TTLL6: variants seen among roughly 807,000 people sequenced by gnomAD.
TTLL6 encodes tubulin tyrosine ligase like 6.
A neutral mutation model predicts 96.4 loss-of-function variants in TTLL6; 75 were observed. That is an observed-to-expected ratio of 0.78 (90% CI 0.65 to 0.94). The LOEUF (loss-of-function observed/expected upper bound fraction) is 0.94. TTLL6 is among the 40% of genes least tolerant of loss of function. The probability of loss-of-function intolerance (pLI) is 0.00; values close to 1 mark genes in which losing one functional copy is unlikely to be tolerated. For missense variants in TTLL6, 1,030 were observed against 1,093.0 expected, an observed-to-expected ratio of 0.94 and a Z score of 0.81; for synonymous variants, 411 against 419.4, an observed-to-expected ratio of 0.98 and a Z score of 0.24.
intron 13 of TTLL6, among the ~76,000 whole-genome samples, chr17:48,777,730 C>A (rs1415675999): frequency 2.0e-4 from 26 of 133,226 alleles, no homozygotes; most frequent in South Asian, 2.4e-4. Context: ...GACTCCGTCT[C>A]AAAAAAAAAA....
chr17:48,777,500 G>A (rs899688834), intron 13 of TTLL6, among the ~76,000 whole-genome samples: 1 of 152,184 alleles, frequency 6.6e-6, no homozygotes, highest in African/African-American at 2.4e-5. Context: ...GGAGGCCGAG[G>A]CGGGTGGATG....
rs997820594 is a variant in TTLL6, at chr17:48,797,042, G to A, written c.912+19C>T. 2 of 1,548,106 alleles carry A rather than the reference G, an allele frequency of 1.3e-6. No individual in the cohort carries two copies. Among genetic ancestry groups the A allele is most frequent in the African/African-American group, 2.7e-5 (2 of 72,786 alleles). On this transcript the variant is annotated intron_variant, in intron 7 of 15. Transcript: ENST00000393382. ...CACGCTATGGGGGTAGGGTGAGGTAGTGTGTCTCCTTAGCTCACCAGGTTG... is the reference window on the plus strand; with the variant it reads ...CACGCTATGGGGGTAGGGTGAGGTAATGTGTCTCCTTAGCTCACCAGGTTG...
chr17:48,788,219 C>T (rs888089038), intron 10 of TTLL6, among the ~76,000 whole-genome samples: 9 of 152,220 alleles, frequency 5.9e-5, no homozygotes, highest in Admixed American at 5.9e-4. Context: ...CTGGTTAGCA[C>T]AGTCTTTCTA....
intron 8 of TTLL6, among the ~76,000 whole-genome samples, chr17:48,792,219 C>G (rs2039239804): frequency 6.6e-6 from 1 of 152,202 alleles, no homozygotes; most frequent in Non-Finnish European, 1.5e-5. Flanking sequence ...CAAACGGAGA[C>G]AGCTGGTCAC....
At chr17:48,763,835 CAGAA>C (rs1177632550) in intron 15 of TTLL6, among the ~76,000 whole-genome samples, 10 of 151,626 alleles carry the variant, frequency 6.6e-5, no homozygotes, top group Non-Finnish European at 1.0e-4. Context: ...AACAAAAAAA[CAGAA>C]AGAAAAAGTT....
rs1687972853 is a variant in TTLL6 at position 48,786,324 on chromosome 17, T to C, written c.1601A>G (p.Gln534Arg). ...TTTCTCCCGTTTTAGTCTCAGCTCC[T>C]GGATCAGTTGCCTGCCCATGAAGAA... ...AREEYARQLIQELRLKREKKP... is the reference protein window; with the variant it reads ...AREEYARQLIRELRLKREKKP... The change falls in exon 12 of 16, where the codon CAG becomes CGG. Residue 534 changes from glutamine to arginine, a missense_variant. Coordinates refer to ENST00000393382, the MANE Select transcript of TTLL6 (RefSeq NM_001130918.3). The C allele has an allele frequency of 6.2e-7, 1 of 1,614,260 alleles. No individual in the cohort carries two copies. The highest frequency in any genetic ancestry group is 8.5e-7 in the Non-Finnish European group (1 of 1,180,046).
rs2039485522 is a variant in TTLL6 at position 48,805,005 on chromosome 17, A to C, written c.104-14T>G. ...AATACCAGGCCCCTAGAGAGAGGGC[A>C]GAGGGAGCCGCAGTTACAGAGATCC... On this transcript the variant is annotated splice_polypyrimidine_tract_variant and intron_variant, in intron 1 of 15. Coordinates refer to ENST00000393382, the MANE Select transcript of TTLL6 (RefSeq NM_001130918.3). 6.5e-7 allele frequency: 1 copy of C among 1,545,084 alleles called. No individual in the cohort carries two copies. The highest frequency in any genetic ancestry group is 2.0e-5 in the Admixed American group (1 of 50,970).
In TTLL6 at chr17:48,791,572, C is replaced by A; in HGVS notation, c.1030G>T (p.Asp344Tyr). 1 of 1,613,884 alleles carries A rather than the reference C, an allele frequency of 6.2e-7. No homozygotes were observed. Among genetic ancestry groups the A allele is most frequent in the Non-Finnish European group, 8.5e-7 (1 of 1,179,840 alleles). ...KLSTFSAYLE[D>Y]HSYNVEQIWR... ...ATCTGCTCCACGTTGTAGCTGTGGTCCTCCAAGTATGCACTGAAGGTGGAG... is the reference window on the plus strand; with the variant it reads ...ATCTGCTCCACGTTGTAGCTGTGGTACTCCAAGTATGCACTGAAGGTGGAG... Residue 344 changes from aspartate (D) to tyrosine (Y), a missense_variant, in exon 9 of 16, where the codon GAC becomes TAC. By Grantham distance (160) the Asp-to-Tyr change is radical. Coordinates refer to ENST00000393382, the MANE Select transcript of TTLL6 (RefSeq NM_001130918.3).
chr17:48,810,594 G>A (rs2039565565), intron 1 of TTLL6, among the ~76,000 whole-genome samples: 1 of 151,994 alleles, frequency 6.6e-6, no homozygotes, highest in South Asian at 2.1e-4. Context: ...ACTTCGGGAG[G>A]CCGAGGTAAG....
chr17:48,785,233 A>G (rs1266842718), intron 12 of TTLL6, 32 bp from the exon 13 acceptor site: 5 of 1,613,554 alleles, frequency 3.1e-6, no homozygotes, highest in South Asian at 1.1e-5. Context: ...ACACACAGCC[A>G]TGGGAACCCA....
chr17:48,797,011 T>C (rs2039327494), intron 7 of TTLL6, 50 bp downstream of exon 7: 1 of 1,464,586 alleles, frequency 6.8e-7, no homozygotes, highest in Non-Finnish European at 9.1e-7. Flanking sequence ...TTTTTTTTTT[T>C]TTAATCACGC....
intron 1 of TTLL6, among the ~76,000 whole-genome samples, chr17:48,809,300 G>A (rs1404682298): frequency 6.6e-6 from 1 of 152,126 alleles, no homozygotes; most frequent in African/African-American, 2.4e-5. Context: ...CAAAGTTCAG[G>A]GGAACTAAGG....
intron 13 of TTLL6, among the ~76,000 whole-genome samples, chr17:48,777,374 CACCTGAGGTCAG>C (rs2038895686): frequency 6.6e-6 from 1 of 151,686 alleles, no homozygotes; most frequent in Admixed American, 6.6e-5. Flanking sequence ...GCAGGAGGAT[CACCTGAGGTCAG>C]GAGTTCGAGA....
intron 13 of TTLL6, among the ~76,000 whole-genome samples, chr17:48,781,051 A>AT (rs200281244): frequency 0.058 from 8,208 of 142,546 alleles, 319 homozygotes; most frequent in South Asian, 0.24. Context: ...TCTATTTTTA[A>AT]TTTTTTTTTT....
chr17:48,774,230 G>GTTTTTTTTTTTTTTTTTTTTT (rs753077737), intron 13 of TTLL6, among the ~76,000 whole-genome samples: 1 of 117,742 alleles, frequency 8.5e-6, no homozygotes, highest in Non-Finnish European at 1.7e-5. Context: ...ATCCAGGTTT[G>GTTTTTTTTTTTTTTTTTTTTT]TTGTTTTTTT....
chr17:48,766,424 G>C (rs554957933), intron 15 of TTLL6, among the ~76,000 whole-genome samples: 3 of 152,140 alleles, frequency 2.0e-5, no homozygotes, highest in Admixed American at 2.0e-4. Context: ...TAAATTCAAC[G>C]GTCAATGCAG....
At chr17:48,811,280 G>A (rs1039130846) in intron 1 of TTLL6, among the ~76,000 whole-genome samples, 1 of 151,802 alleles carries the variant, frequency 6.6e-6, no homozygotes, top group African/African-American at 2.4e-5. Context: ...ATATTGGTCA[G>A]GCTGGTCTCA....
rs899089248 is a variant in TTLL6 at position 48,791,444 on chromosome 17, G to A, written c.1158C>T (p.Ser386=). The change falls in exon 9 of 16, where the codon AGC becomes AGT. Residue 386 remains serine (S), a synonymous_variant. Coordinates refer to ENST00000393382, the MANE Select transcript of TTLL6 (RefSeq NM_001130918.3). ...CAAAGCCCAGGATCTCAAAGCAGGC[G>A]CTGTTGAGTGTGTGGTTGGGGAAGC... ...HTCFPNHTLN[S]ACFEILGFDI... is the part of the protein sequence containing the mutation. The A allele has an allele frequency of 1.9e-6, 3 of 1,614,216 alleles. No individual in the cohort carries two copies. Among genetic ancestry groups the A allele is most frequent in the East Asian group, 2.2e-5 (1 of 44,890 alleles).
chr17:48,783,744 AT>A (rs2039034825), intron 13 of TTLL6, among the ~76,000 whole-genome samples: 1 of 152,130 alleles, frequency 6.6e-6, no homozygotes, highest in Non-Finnish European at 1.5e-5. Flanking sequence ...ATTTATTTAA[AT>A]TTTATTGGTG....
Sources: gnomAD v4.1 joint callset for allele counts (sites outside exome capture counted in the v4.1 genomes callset) on GRCh38, gnomAD v4.1.1 for gene constraint, MANE v1.5 for transcripts, NCBI Gene and HGNC (gene_info 2026-07-23, HGNC 2026-07-21) for gene names.